The following RAD51B variants were observed in gnomAD, a reference collection of about 807,000 sequenced individuals.
The protein encoded by RAD51B is RAD51 paralog B.
A neutral mutation model predicts 42.2 loss-of-function variants in RAD51B; 38 were observed. That is an observed-to-expected ratio of 0.90 (90% CI 0.70 to 1.18). The LOEUF (loss-of-function observed/expected upper bound fraction) is 1.18. Ranked by LOEUF, RAD51B falls within the 50% of genes most tolerant of loss-of-function variation. The probability of loss-of-function intolerance (pLI) is 0.00; values close to 1 mark genes in which losing one functional copy is unlikely to be tolerated. For missense variants in RAD51B, 373 were observed against 400.7 expected, an observed-to-expected ratio of 0.93 and a Z score of 0.59; for synonymous variants, 154 against 145.2, an observed-to-expected ratio of 1.06 and a Z score of -0.43.
chr14:68,277,845 T>G (rs910736804), intron 7 of RAD51B, among the ~76,000 whole-genome samples: 1 of 152,154 alleles, frequency 6.6e-6, no homozygotes, highest in Non-Finnish European at 1.5e-5. Flanking sequence ...TTCAAGCAAT[T>G]CTCTCATGTG....
intron 7 of RAD51B, among the ~76,000 whole-genome samples, chr14:68,291,230 C>T (rs2081510767): frequency 6.6e-6 from 1 of 151,774 alleles, no homozygotes; most frequent in African/African-American, 2.4e-5. Context: ...TGGAATTTCG[C>T]TCTTGTTGTC....
At chr14:68,657,272 C>T (rs778438042) in intron 11 of RAD51B, among the ~76,000 whole-genome samples, 15 of 152,204 alleles carry the variant, frequency 9.9e-5, no homozygotes, top group South Asian at 2.1e-4. Context: ...CAAATCCTGA[C>T]GCTGCAGCTG....
At chr14:68,477,218 A>G (rs916933995) in intron 10 of RAD51B, among the ~76,000 whole-genome samples, 1 of 152,204 alleles carries the variant, frequency 6.6e-6, no homozygotes, top group African/African-American at 2.4e-5. Flanking sequence ...TCATAGTGGA[A>G]GTATTGGGCA....
chr14:68,624,835 G>A (rs1377754795), intron 10 of RAD51B, among the ~76,000 whole-genome samples: 1 of 152,078 alleles, frequency 6.6e-6, no homozygotes, highest in African/African-American at 2.4e-5. Context: ...AAGTTACTTG[G>A]ACCTTGCAGA....
chr14:68,321,813 C>T (rs938371630), intron 8 of RAD51B, among the ~76,000 whole-genome samples: 4 of 152,128 alleles, frequency 2.6e-5, no homozygotes, highest in East Asian at 1.9e-4. Flanking sequence ...TACAGTGCTG[C>T]GATCATGGCT....
At position 68,680,132 on chromosome 14, in the gene RAD51B, C is replaced by T. The variant is rs551966437; in HGVS notation, c.*11+29276C>T. On this transcript the variant is annotated intron_variant, in intron 11 of 11. Coordinates refer to the RAD51B transcript ENST00000488612. ...ATTCACAATGTCACTGCTACAGACA[C>T]GGCACACTTTTACGTCTAATCTTAC... Among the ~76,000 whole-genome samples, 4 of 152,314 alleles carry T rather than the reference C, an allele frequency of 2.6e-5. No individual in the cohort carries two copies. The South Asian group carries it at 6.2e-4, about 24-fold the overall frequency.
At chr14:68,545,506 T>A (rs1488160199) in intron 10 of RAD51B, 1 of 454,752 alleles carries the variant, frequency 2.2e-6, no homozygotes, top group East Asian at 6.9e-5. Flanking sequence ...TTGTCTTTAA[T>A]GCCTTAACTG....
exon 11 of RAD51B, chr14:68,595,305 T>G (rs973366539): frequency 2.0e-5 from 21 of 1,066,142 alleles, no homozygotes; most frequent in Non-Finnish European, 2.0e-5. Flanking sequence ...CTTCCTTTGC[T>G]GTTACAATAA....
At chr14:68,146,305 G>T (rs571636328) in intron 7 of RAD51B, among the ~76,000 whole-genome samples, 33 of 152,162 alleles carry the variant, frequency 2.2e-4, no homozygotes, top group Middle Eastern at 3.4e-3. Context: ...CAAAAAATTA[G>T]TGGATATGAT....
At chr14:68,152,979 C>T (rs1477901937) in intron 7 of RAD51B, among the ~76,000 whole-genome samples, 1 of 152,138 alleles carries the variant, frequency 6.6e-6, no homozygotes, top group African/African-American at 2.4e-5. Flanking sequence ...ATATATATCA[C>T]ATTTTCTTTT....
At chr14:68,344,508 G>A (rs1009761494) in intron 8 of RAD51B, among the ~76,000 whole-genome samples, 7 of 151,908 alleles carry the variant, frequency 4.6e-5, no homozygotes, top group African/African-American at 9.7e-5. Flanking sequence ...TTAGCACGGC[G>A]TGGTGGTGGG....
At chr14:68,459,453 A>G (rs2085787737) in intron 9 of RAD51B, among the ~76,000 whole-genome samples, 2 of 152,220 alleles carry the variant, frequency 1.3e-5, no homozygotes, top group African/African-American at 2.4e-5. Flanking sequence ...AATGGGTTTT[A>G]TTAGCCTAGG....
chr14:68,204,453 C>G (rs1413800744), intron 7 of RAD51B, among the ~76,000 whole-genome samples: 2 of 152,106 alleles, frequency 1.3e-5, no homozygotes, highest in East Asian at 1.9e-4. Flanking sequence ...TCACAGGTCA[C>G]CATAATAACA....
At chr14:67,871,897 C>T (rs1298138441) in intron 5 of RAD51B, among the ~76,000 whole-genome samples, 4 of 152,046 alleles carry the variant, frequency 2.6e-5, no homozygotes, top group Non-Finnish European at 2.9e-5. Context: ...GCCCTTCATG[C>T]TAAAAACTCT....
At position 68,588,648 on chromosome 14, in the gene RAD51B, G is replaced by A. The variant is rs12101233; in HGVS notation, c.1037-5837G>A. 5.5e-3 allele frequency among the ~76,000 whole-genome samples: 835 copies of A among 152,316 alleles called. 7 individuals carry two copies. Among genetic ancestry groups the A allele is most frequent in the African/African-American group, 0.019 (795 of 41,572 alleles). On this transcript the variant is annotated intron_variant, in intron 10 of 10. Transcript: ENST00000487270. ...GATACAACATGTAACTTTCATAATG[G>A]ATAAATGGCTCCTTGGCGGTTCCCC...
In RAD51B at chr14:68,290,535, C is replaced by A. The variant is rs1473134334; in HGVS notation, c.757-1349C>A. Among the ~76,000 whole-genome samples, 6 of 152,282 alleles carry A rather than the reference C, an allele frequency of 3.9e-5. No individual in the cohort carries two copies. In the East Asian group the frequency reaches 1.2e-3, roughly 29 times the overall value. ...ACATGAATTAGGTAGTATTAGAGTC[C>A]TTTCCAGGGATCTTAAATGTTATGA... is the stretch of plus-strand genomic sequence containing the variant. On this transcript the variant is annotated intron_variant, in intron 7 of 10. Coordinates refer to ENST00000471583, the MANE Select transcript of RAD51B (RefSeq NM_133510.4).
chr14:67,940,485 CATCT>C (rs372650155), intron 7 of RAD51B, among the ~76,000 whole-genome samples: 1 of 152,072 alleles, frequency 6.6e-6, no homozygotes, highest in African/African-American at 2.4e-5. Context: ...CCACTTTATC[CATCT>C]ATTTTTTACT....
At chr14:68,208,455 C>G (rs2079638632) in intron 7 of RAD51B, among the ~76,000 whole-genome samples, 1 of 152,222 alleles carries the variant, frequency 6.6e-6, no homozygotes, top group Non-Finnish European at 1.5e-5. Flanking sequence ...TCATTCCTTT[C>G]AGCCACAGAA....
intron 7 of RAD51B, among the ~76,000 whole-genome samples, chr14:68,258,710 T>G (rs938470537): frequency 6.6e-6 from 1 of 152,094 alleles, no homozygotes; most frequent in Non-Finnish European, 1.5e-5. Flanking sequence ...TCCCACAGAC[T>G]GCCTGTTATT....
Sources: allele counts gnomAD v4.1 joint callset (sites outside exome capture counted in the v4.1 genomes callset), GRCh38; gene constraint gnomAD v4.1.1; transcripts MANE v1.5; gene names NCBI Gene and HGNC (gene_info 2026-07-23, HGNC 2026-07-21).